Variants in RNASEH2B observed in about 807,000 individuals in gnomAD.
The protein encoded by RNASEH2B is ribonuclease H2 subunit B.
RNASEH2B carries 36 observed loss-of-function variants against 45.0 expected under a neutral mutation model. That is an observed-to-expected ratio of 0.80 (90% CI 0.61 to 1.06). The LOEUF is 1.06. Among genes scored for constraint, RNASEH2B ranks in the 50% least tolerant of loss-of-function variants. RNASEH2B has a pLI of 0.00. For synonymous variants in RNASEH2B, 119 were observed against 125.7 expected (o/e 0.95, Z 0.35); for missense variants, 361 against 360.3 (o/e 1.00, Z -0.02).
chr13:50,947,267 T>C (rs1951911330), intron 7 of RNASEH2B, among the ~76,000 whole-genome samples: 1 of 152,166 alleles, frequency 6.6e-6, no homozygotes, highest in African/African-American at 2.4e-5. Context: ...CTTATGTAAC[T>C]GTATTTCTAA....
intron 9 of RNASEH2B, among the ~76,000 whole-genome samples, chr13:50,969,430 ACTT>A (rs1005452716): frequency 6.6e-6 from 1 of 150,684 alleles, no homozygotes; most frequent in Non-Finnish European, 1.5e-5. Flanking sequence ...AGGTGCTACT[ACTT>A]CTATCAGCAA....
rs181505552 is a variant in RNASEH2B at position 50,965,914 on chromosome 13, C to T, written c.742-4018C>T. Reference sequence around the variant, plus strand: ...GTGGTTTTTATAAACTCTTTGTATTCACAGAGGCTTGAATAGGAGCTCATA... The same window carrying T: ...GTGGTTTTTATAAACTCTTTGTATTTACAGAGGCTTGAATAGGAGCTCATA... On this transcript the variant is annotated intron_variant, in intron 9 of 9. Transcript: ENST00000422660. 2.4e-3 allele frequency among the ~76,000 whole-genome samples: 361 copies of T among 152,246 alleles called. 4 individuals carry two copies. Among genetic ancestry groups the T allele is most frequent in the South Asian group, 0.013 (61 of 4,824 alleles).
chr13:50,970,145 G>A (rs779197062), exon 10 of RNASEH2B: 78 of 677,022 alleles, frequency 1.2e-4, no homozygotes, highest in Non-Finnish European at 1.9e-4. Context: ...TGTGGGCAGC[G>A]GCATTCCTCC....
intron 9 of RNASEH2B, 96 bp downstream of exon 9, chr13:50,949,601 A>G: frequency 3.5e-6 from 4 of 1,140,708 alleles, no homozygotes; most frequent in Non-Finnish European, 5.3e-6. Flanking sequence ...TTTAAGGTGT[A>G]CTAAATCCAT....
intron 1 of RNASEH2B, among the ~76,000 whole-genome samples, chr13:50,918,582 T>C (rs372346578): frequency 5.3e-4 from 81 of 152,332 alleles, no homozygotes; most frequent in African/African-American, 1.9e-3. Context: ...AACAAAGAGC[T>C]TCAAAGCCAG....
In RNASEH2B at chr13:50,910,283, G is replaced by T. The variant is rs1879285768; in HGVS notation, c.64+143G>T. 1.7e-5 allele frequency: 9 copies of T among 523,512 alleles called. No homozygotes were observed. In the South Asian group the frequency reaches 3.8e-4, roughly 22 times the overall value. 32.4% of individuals were successfully genotyped at this position (523,512 alleles called of 1,614,324 possible). ...GATTCTCTCTGGGACAGCTGGCCCC[G>T]CATTTTGGTCACACGTCATAGCAAG... On this transcript the variant is annotated intron_variant, in intron 1 of 10. Coordinates refer to ENST00000336617, the MANE Select transcript of RNASEH2B (RefSeq NM_024570.4).
intron 9 of RNASEH2B, among the ~76,000 whole-genome samples, chr13:50,964,250 C>A (rs1197014879): frequency 6.6e-6 from 1 of 152,146 alleles, no homozygotes; most frequent in Admixed American, 6.5e-5. Flanking sequence ...ATGACCTTGA[C>A]ACTTTTGAGA....
chr13:50,966,707 G>C (rs114207108), intron 9 of RNASEH2B, among the ~76,000 whole-genome samples: 1,951 of 152,112 alleles, frequency 0.013, 41 homozygotes, highest in African/African-American at 0.045. Flanking sequence ...TCTTTTGTTT[G>C]TTCGAATCTG....
In RNASEH2B at chr13:50,934,534, T is replaced by A. The variant is rs1455722297; in HGVS notation, c.322-351T>A. 9.0e-6 allele frequency: 3 copies of A among 334,562 alleles called. No individual in the cohort carries two copies. The East Asian group carries it at 2.2e-4, about 25-fold the overall frequency. 20.7% of individuals were successfully genotyped at this position (334,562 alleles called of 1,614,324 possible). ...AGGACTCTTGCTCTGTGACCACAGCTGGTTCTTCAAATTGAATGGGTTGGA... is the reference window on the plus strand; with the variant it reads ...AGGACTCTTGCTCTGTGACCACAGCAGGTTCTTCAAATTGAATGGGTTGGA... On this transcript the variant is annotated intron_variant, in intron 4 of 10. Coordinates refer to ENST00000336617, the MANE Select transcript of RNASEH2B (RefSeq NM_024570.4).
Position 50,913,818 on chromosome 13 carries a change from A to T in RNASEH2B, c.64+3678A>T, listed in dbSNP as rs546507544. Among the ~76,000 whole-genome samples, 5 of 152,370 alleles carry T rather than the reference A, an allele frequency of 3.3e-5. No homozygotes were observed. The South Asian group carries it at 1.0e-3, about 32-fold the overall frequency. On this transcript the variant is annotated intron_variant, in intron 1 of 10. Coordinates refer to ENST00000336617, the MANE Select transcript of RNASEH2B (RefSeq NM_024570.4). ...CTACCTTAGACATTTCAAATACAAT[A>T]ACAGCTTTTTATGTGAGGCATCGTG...
chr13:50,936,579 A>T (rs1260986509), intron 5 of RNASEH2B: 2 of 152,226 alleles, frequency 1.3e-5, no homozygotes, highest in African/African-American at 4.8e-5. Context: ...TTGGCAGAAG[A>T]CAGCAGTCTT....
At chr13:50,931,674 A>G (rs1258393160) in intron 4 of RNASEH2B, among the ~76,000 whole-genome samples, 2 of 152,228 alleles carry the variant, frequency 1.3e-5, no homozygotes, top group African/African-American at 4.8e-5. Context: ...TTAGAAAAGG[A>G]AGAAATAATG....
chr13:50,946,431 T>C (rs1000603599), intron 7 of RNASEH2B, among the ~76,000 whole-genome samples: 7 of 152,230 alleles, frequency 4.6e-5, no homozygotes, highest in Non-Finnish European at 5.9e-5. Context: ...AGTTGGCTAC[T>C]GCCATTCTGG....
At chr13:50,928,344 C>G (rs1951629572) in intron 2 of RNASEH2B, 1 of 152,182 alleles carries the variant, frequency 6.6e-6, no homozygotes, top group Admixed American at 6.5e-5. Context: ...AAACACATTC[C>G]TGACTTTCTC....
At chr13:50,940,403 A>G (rs572664858) in intron 5 of RNASEH2B, among the ~76,000 whole-genome samples, 6 of 152,368 alleles carry the variant, frequency 3.9e-5, no homozygotes, top group Middle Eastern at 6.8e-3. Context: ...GAACACCTAA[A>G]TAAAATTCAT....
At chr13:50,954,071 T>A in intron 10 of RNASEH2B, 86 bp downstream of exon 10, 1 of 825,524 alleles carries the variant, frequency 1.2e-6, no homozygotes, top group Non-Finnish European at 2.1e-6. Context: ...CACGCTTGAT[T>A]GTGATTACAG....
rs768598289 is a variant in RNASEH2B at position 50,930,654 on chromosome 13, A to AT, written c.245-27dup. ...CCACATTGTCTTTCCAAGACGTTTAATTCCCTTCATCCTTTTTGTAATCTG... is the reference window on the plus strand; with the variant it reads ...CCACATTGTCTTTCCAAGACGTTTAATTTCCCTTCATCCTTTTTGTAATCTG... On this transcript the variant is annotated intron_variant, in intron 3 of 10. Transcript: ENST00000336617. 7.9e-6 allele frequency: 12 copies of AT among 1,526,784 alleles called. No individual in the cohort carries two copies. The Admixed American group carries it at 2.0e-4, about 25-fold the overall frequency. 94.6% of individuals were successfully genotyped at this position (1,526,784 alleles called of 1,614,324 possible). A position where few individuals can be genotyped will look rare whatever the true frequency, so the allele number is the denominator to read the frequency against.
At chr13:50,927,143 G>T in intron 1 of RNASEH2B, 1 of 399,674 alleles carries the variant, frequency 2.5e-6, no homozygotes. Flanking sequence ...AAGTGGCTAA[G>T]CCAAGATTAT....
At chr13:50,955,342 T>C (rs1206820072) in intron 10 of RNASEH2B, 1 of 152,194 alleles carries the variant, frequency 6.6e-6, no homozygotes, top group Non-Finnish European at 1.5e-5. Context: ...TCTGCCCAAA[T>C]AGCGAGTTAT....
Sources: allele counts gnomAD v4.1 joint callset (sites outside exome capture counted in the v4.1 genomes callset), GRCh38; gene constraint gnomAD v4.1.1; transcripts MANE v1.5; gene names NCBI Gene and HGNC (gene_info 2026-07-23, HGNC 2026-07-21).